Variants in JAK2 observed in about 807,000 individuals in gnomAD.
The protein encoded by JAK2 is tyrosine-protein kinase JAK2.
JAK2 carries 86 observed loss-of-function variants against 139.3 expected under a neutral mutation model. That is an observed-to-expected ratio of 0.62 (90% CI 0.52 to 0.74). The LOEUF (loss-of-function observed/expected upper bound fraction) is 0.74. JAK2 is among the 30% of genes least tolerant of loss of function. The pLI, the probability that JAK2 is intolerant of heterozygous loss-of-function variation, is 0.00. For synonymous variants in JAK2, 490 were observed against 437.7 expected (o/e 1.12, Z -1.49); for missense variants, 1,421 against 1,360.3 (o/e 1.04, Z -0.70).
intron 16 of JAK2, among the ~76,000 whole-genome samples, chr9:5,079,933 G>C (rs1819569612): frequency 6.6e-6 from 1 of 152,154 alleles, no homozygotes; most frequent in Admixed American, 6.5e-5. Context: ...AGAACTCACT[G>C]TACAGGATTC....
At chr9:5,035,304 G>A (rs1823497017) in intron 4 of JAK2, among the ~76,000 whole-genome samples, 1 of 152,238 alleles carries the variant, frequency 6.6e-6, no homozygotes, top group South Asian at 2.1e-4. Context: ...TACCAGAGGT[G>A]CAAAGAGGAG....
intron 5 of JAK2, among the ~76,000 whole-genome samples, chr9:5,046,376 C>G (rs139683468): frequency 6.6e-6 from 1 of 152,054 alleles, no homozygotes; most frequent in Non-Finnish European, 1.5e-5. Flanking sequence ...CATTCTGTTG[C>G]TTGTCTTTTG....
At chr9:5,083,401 A>C (rs1410227958) in intron 19 of JAK2, among the ~76,000 whole-genome samples, 1 of 152,232 alleles carries the variant, frequency 6.6e-6, no homozygotes, top group African/African-American at 2.4e-5. Flanking sequence ...GGTTCTCACT[A>C]GTAAGTACCA....
chr9:5,017,986 CTT>C (rs1403247038), intron 2 of JAK2, among the ~76,000 whole-genome samples: 5 of 152,122 alleles, frequency 3.3e-5, no homozygotes, highest in Non-Finnish European at 5.9e-5. Context: ...CTATGTGTAT[CTT>C]TAAAGGTGAG....
chr9:5,022,160 C>A lies in JAK2; in HGVS notation c.173C>A (p.Pro58Gln), dbSNP rs2130076287. The change falls in exon 3 of 25, where the codon CCA becomes CAA. Residue 58 changes from proline to glutamine, a missense_variant. By Grantham distance (76) the Pro-to-Gln change is moderately conservative. Transcript: ENST00000381652. ...TCTGAGGCAGATTATCTGACCTTTC[C>A]ATCTGGGGAGTATGTTGCAGAAGAA... Reference protein sequence around the residue: ...GKSEADYLTFPSGEYVAEEIC... With the variant: ...GKSEADYLTFQSGEYVAEEIC... 1.9e-6 allele frequency: 3 copies of A among 1,614,148 alleles called. No homozygotes were observed. Among genetic ancestry groups the A allele is most frequent in the Non-Finnish European group, 2.5e-6 (3 of 1,179,998 alleles).
rs149699904 is a variant in JAK2, at chr9:5,027,542, A to G, written c.227-2241A>G. On this transcript the variant is annotated intron_variant, in intron 3 of 24. Transcript: ENST00000381652. ...GGTGGCTATGGCAATATCTTAAAATAAGACAATGAAGGTTGCTGCATCAGT... is the reference window on the plus strand; with the variant it reads ...GGTGGCTATGGCAATATCTTAAAATGAGACAATGAAGGTTGCTGCATCAGT... Among the ~76,000 whole-genome samples the G allele has an allele frequency of 1.7e-3, 254 of 152,308 alleles. 3 individuals are homozygous for G. Among genetic ancestry groups the G allele is most frequent in the Non-Finnish European group, 2.0e-3 (134 of 68,030 alleles).
chr9:4,991,669 A>C (rs528037954), intron 2 of JAK2, among the ~76,000 whole-genome samples: 5 of 152,140 alleles, frequency 3.3e-5, no homozygotes, highest in Admixed American at 1.3e-4. Context: ...TATGACAAAA[A>C]CCAGCAAACT....
At chr9:5,036,978 A>G (rs1816086100) in intron 4 of JAK2, among the ~76,000 whole-genome samples, 2 of 152,250 alleles carry the variant, frequency 1.3e-5, no homozygotes, top group African/African-American at 4.8e-5. Flanking sequence ...TAAAGGGCTA[A>G]TATCCAGAAT....
chr9:5,056,525 A>G (rs1817779238), intron 8 of JAK2, among the ~76,000 whole-genome samples: 1 of 152,024 alleles, frequency 6.6e-6, no homozygotes, highest in Non-Finnish European at 1.5e-5. Context: ...CTTGCAACTC[A>G]CTTAATTCAG....
At chr9:5,035,077 A>G (rs970190365) in intron 4 of JAK2, among the ~76,000 whole-genome samples, 11 of 152,238 alleles carry the variant, frequency 7.2e-5, no homozygotes, top group Admixed American at 2.0e-4. Context: ...CAGAAATACA[A>G]ACTACCATCA....
chr9:4,985,870 A>G (rs1473354955), intron 1 of JAK2, 70 bp from the exon 2 acceptor site: 1 of 152,608 alleles, frequency 6.6e-6, no homozygotes, highest in South Asian at 2.1e-4. Context: ...AGACACTTAA[A>G]CAGCCTAGAA....
chr9:5,054,497 A>T lies in JAK2; in HGVS notation c.615-66A>T. 7.3e-7 allele frequency: 1 copy of T among 1,366,386 alleles called. No homozygotes were observed. Among genetic ancestry groups the T allele is most frequent in the Non-Finnish European group, 1.0e-6 (1 of 998,852 alleles). 84.6% of individuals were successfully genotyped at this position (1,366,386 alleles called of 1,614,324 possible). A position where few individuals can be genotyped will look rare whatever the true frequency, so the allele number is the denominator to read the frequency against. On this transcript the variant is annotated intron_variant, in intron 6 of 24. Coordinates refer to ENST00000381652, the MANE Select transcript of JAK2 (RefSeq NM_004972.4). The surrounding 1 kb of genome is among the most constrained non-coding windows in gnomAD (Gnocchi z 4.9). ...GAAAAAGGTGGTAACTTCTTTTTCA[A>T]TTTTTAGATTTATCTTCCAATTTTT... is the stretch of plus-strand genomic sequence containing the variant.
chr9:5,038,873 A>G (rs1452242457), intron 4 of JAK2, among the ~76,000 whole-genome samples: 1 of 152,218 alleles, frequency 6.6e-6, no homozygotes. Context: ...AATCAATGTA[A>G]TACACCACAT....
At chr9:5,105,874 A>G (rs866096687) in intron 22 of JAK2, among the ~76,000 whole-genome samples, 1 of 152,246 alleles carries the variant, frequency 6.6e-6, no homozygotes, top group Non-Finnish European at 1.5e-5. Context: ...AGAAAGCTGA[A>G]ACTGGATCCC....
chr9:5,082,206 C>T (rs1021299805), intron 19 of JAK2, among the ~76,000 whole-genome samples: 1 of 152,204 alleles, frequency 6.6e-6, no homozygotes, highest in Non-Finnish European at 1.5e-5. Context: ...TGAGTTTCCT[C>T]AGTATTTATT....
At chr9:5,028,462 A>G (rs114828126) in intron 3 of JAK2, among the ~76,000 whole-genome samples, 69 of 152,342 alleles carry the variant, frequency 4.5e-4, no homozygotes, top group African/African-American at 1.4e-3. Flanking sequence ...AGAATGGTCA[A>G]TAAGCATTGG....
chr9:5,085,380 TG>T, intron 19 of JAK2: 4 of 900,608 alleles, frequency 4.4e-6, no homozygotes, highest in Non-Finnish European at 7.4e-6. Flanking sequence ...CATGCACCAC[TG>T]GGTCGGGGCA....
At chr9:5,089,365 T>C (rs527705814) in intron 19 of JAK2, among the ~76,000 whole-genome samples, 23 of 151,978 alleles carry the variant, frequency 1.5e-4, no homozygotes, top group Admixed American at 7.9e-4. Context: ...AGCGAAACCC[T>C]GTCTCTACTA....
chr9:5,116,632 C>T (rs1346007259), intron 22 of JAK2, among the ~76,000 whole-genome samples: 4 of 152,080 alleles, frequency 2.6e-5, no homozygotes, highest in Non-Finnish European at 5.9e-5. Context: ...TTAATGAATA[C>T]AAGCTAATAA....
Sources: allele counts gnomAD v4.1 joint callset (sites outside exome capture counted in the v4.1 genomes callset), GRCh38; gene constraint gnomAD v4.1.1; non-coding constraint Gnocchi (gnomAD v3.1); transcripts MANE v1.5; gene names NCBI Gene and HGNC (gene_info 2026-07-23, HGNC 2026-07-21).